ANKS1B: variants seen among roughly 807,000 people sequenced by gnomAD.
ANKS1B encodes ankyrin repeat and sterile alpha motif domain containing 1B, also known as ankyrin repeat and sterile alpha motif domain-containing protein 1B.
ANKS1B carries 36 observed loss-of-function variants against 148.3 expected under a neutral mutation model. That is an observed-to-expected ratio of 0.24 (90% confidence interval 0.19 to 0.32). The LOEUF (loss-of-function observed/expected upper bound fraction) is 0.32. Ranked by LOEUF, ANKS1B falls within the 10% of genes least tolerant of loss-of-function variation. The probability of loss-of-function intolerance (pLI) is 1.00; values close to 1 mark genes in which losing one functional copy is unlikely to be tolerated. For missense variants in ANKS1B, 1,157 were observed against 1,542.6 expected, an observed-to-expected ratio of 0.75 and a Z score of 4.19; for synonymous variants, 542 against 560.8, an observed-to-expected ratio of 0.97 and a Z score of 0.47.
chr12:99,525,100 T>C (rs1300676043), intron 9 of ANKS1B, among the ~76,000 whole-genome samples: 1 of 141,016 alleles, frequency 7.1e-6, no homozygotes, highest in Non-Finnish European at 1.5e-5. Flanking sequence ...GAATAATACA[T>C]TTGTGTTGTT....
At position 98,953,733 on chromosome 12, in the gene ANKS1B, A is replaced by G. The variant is rs1385006785; in HGVS notation, c.2778+99424T>C. On this transcript the variant is annotated intron_variant, in intron 17 of 26. Transcript: ENST00000683438. ...CATAGTCTTCAACCTGGCATACAAA[A>G]CCTCCCACAAGCTGACTCCAGTTGA... Among the ~76,000 whole-genome samples, 3 of 145,068 alleles carry G rather than the reference A, an allele frequency of 2.1e-5. No individual in the cohort carries two copies. In the South Asian group the frequency reaches 6.6e-4, roughly 32 times the overall value.
chr12:99,801,322 A>T (rs998360188), intron 4 of ANKS1B, among the ~76,000 whole-genome samples: 1 of 152,168 alleles, frequency 6.6e-6, no homozygotes, highest in Non-Finnish European at 1.5e-5. Context: ...CTTCTTCAAG[A>T]AGTCACCAGT....
chr12:99,536,859 T>C (rs950035648), intron 9 of ANKS1B, among the ~76,000 whole-genome samples: 2 of 152,164 alleles, frequency 1.3e-5, no homozygotes, highest in Non-Finnish European at 2.9e-5. Flanking sequence ...ACTCATTTTT[T>C]CTAAGTACTT....
chr12:99,818,530 A>C (rs972273696), intron 2 of ANKS1B, among the ~76,000 whole-genome samples: 1 of 151,922 alleles, frequency 6.6e-6, no homozygotes, highest in Non-Finnish European at 1.5e-5. Context: ...GCAAGCAGCA[A>C]AATAATCCCT....
rs562102523 is a variant in ANKS1B, at chr12:99,014,912, G to A, written c.2778+38245C>T. Among the ~76,000 whole-genome samples the A allele has an allele frequency of 3.3e-5, 5 of 152,278 alleles. No homozygotes were observed. In the East Asian group the frequency reaches 5.8e-4, roughly 18 times the overall value. On this transcript the variant is annotated intron_variant, in intron 17 of 26. Transcript: ENST00000683438. ...GGAGAAAAAGGAACACTTATACACCGTTGGTGTGAGTATAAACTAGTTCAG... is the reference window on the plus strand; with the variant it reads ...GGAGAAAAAGGAACACTTATACACCATTGGTGTGAGTATAAACTAGTTCAG...
chr12:99,194,926 T>C (rs911662441), intron 14 of ANKS1B, among the ~76,000 whole-genome samples: 1 of 152,152 alleles, frequency 6.6e-6, no homozygotes, highest in African/African-American at 2.4e-5. Context: ...TGGATGTTCA[T>C]AACACCATTT....
intron 17 of ANKS1B, chr12:98,894,599 G>C: frequency 1.0e-6 from 1 of 984,916 alleles, no homozygotes; most frequent in South Asian, 4.7e-5. Context: ...CGGGGGCCGC[G>C]GAGCGAGGGG....
intron 12 of ANKS1B, among the ~76,000 whole-genome samples, chr12:99,398,621 T>A (rs1473033578): frequency 6.6e-6 from 1 of 152,110 alleles, no homozygotes; most frequent in African/African-American, 2.4e-5. Flanking sequence ...ATAACACTGT[T>A]CCAACAATGT....
chr12:99,206,855 T>A (rs1326915476), intron 14 of ANKS1B, among the ~76,000 whole-genome samples: 1 of 152,194 alleles, frequency 6.6e-6, no homozygotes. Flanking sequence ...AAACTTTTTG[T>A]AAAAAATTTA....
chr12:99,378,451 C>T (rs1400222350), intron 12 of ANKS1B, among the ~76,000 whole-genome samples: 1 of 151,742 alleles, frequency 6.6e-6, no homozygotes, highest in African/African-American at 2.4e-5. Flanking sequence ...GTCAAGAGAT[C>T]GAGACCATCC....
chr12:99,648,177 G>A (rs1441160599), intron 9 of ANKS1B: 4 of 1,610,180 alleles, frequency 2.5e-6, no homozygotes, highest in Non-Finnish European at 3.4e-6. Context: ...AGGAAGACAT[G>A]GAGGACTGCT....
At chr12:99,630,767 C>T (rs553277557) in intron 9 of ANKS1B, among the ~76,000 whole-genome samples, 7 of 152,172 alleles carry the variant, frequency 4.6e-5, no homozygotes, top group South Asian at 2.1e-4. Flanking sequence ...TGATGCCCCG[C>T]GTTGCCTTGG....
chr12:99,021,136 C>T (rs1305614017), intron 17 of ANKS1B, among the ~76,000 whole-genome samples: 1 of 152,052 alleles, frequency 6.6e-6, no homozygotes. Flanking sequence ...AGAAATTTGC[C>T]TAGTCTCAAC....
intron 17 of ANKS1B, among the ~76,000 whole-genome samples, chr12:98,913,359 C>G (rs1315279854): frequency 6.6e-6 from 1 of 152,096 alleles, no homozygotes; most frequent in Non-Finnish European, 1.5e-5. Flanking sequence ...CCTGGTTTTC[C>G]TCCTACTTCT....
intron 9 of ANKS1B, among the ~76,000 whole-genome samples, chr12:99,523,380 A>G (rs1174166680): frequency 6.6e-6 from 1 of 152,192 alleles, no homozygotes; most frequent in East Asian, 1.9e-4. Flanking sequence ...ATCTATCTCT[A>G]AGGAAGTAGA....
chr12:99,824,859 A>G (rs1367047331), intron 2 of ANKS1B, among the ~76,000 whole-genome samples: 1 of 152,228 alleles, frequency 6.6e-6, no homozygotes, highest in Non-Finnish European at 1.5e-5. Flanking sequence ...AAAACATTTT[A>G]GCTAAATAAG....
intron 15 of ANKS1B, among the ~76,000 whole-genome samples, chr12:99,130,626 G>A (rs1051140056): frequency 1.3e-5 from 2 of 152,068 alleles, no homozygotes; most frequent in Non-Finnish European, 2.9e-5. Flanking sequence ...ATCAAAGTCA[G>A]AGTATTAATA....
chr12:99,156,539 C>T (rs1054078636), intron 14 of ANKS1B, among the ~76,000 whole-genome samples: 7 of 152,136 alleles, frequency 4.6e-5, no homozygotes, highest in African/African-American at 1.7e-4. Flanking sequence ...ACTTTATTTC[C>T]ACTTTTCCAC....
In ANKS1B at chr12:98,852,862, A is replaced by G. The variant is rs143243293; in HGVS notation, c.2779-20726T>C. 6.4e-4 allele frequency among the ~76,000 whole-genome samples: 97 copies of G among 152,334 alleles called. 1 individual carries two copies. The highest frequency in any genetic ancestry group is 2.3e-3 in the African/African-American group (94 of 41,570). On this transcript the variant is annotated intron_variant, in intron 17 of 26. Coordinates refer to ENST00000683438, the MANE Select transcript of ANKS1B (RefSeq NM_001352186.2). Reference sequence around the variant, plus strand: ...AGGGTGAGTACTTTGCAAAGGAACCAAAGCCTAACTTCTGTTAACTTTCTG... The same window carrying G: ...AGGGTGAGTACTTTGCAAAGGAACCGAAGCCTAACTTCTGTTAACTTTCTG...
Sources: gnomAD v4.1 joint callset for allele counts (sites outside exome capture counted in the v4.1 genomes callset) on GRCh38, gnomAD v4.1.1 for gene constraint, MANE v1.5 for transcripts, NCBI Gene and HGNC (gene_info 2026-07-23, HGNC 2026-07-21) for gene names.